CLNK: variants seen among roughly 807,000 people sequenced by gnomAD.
The protein encoded by CLNK is cytokine dependent hematopoietic cell linker.
CLNK carries 74 observed loss-of-function variants against 68.6 expected under a neutral mutation model. The ratio of observed to expected loss-of-function variants is 1.08; its 90% CI spans 0.89 to 1.31. The LOEUF (loss-of-function observed/expected upper bound fraction) is 1.31. CLNK is among the 50% of genes most tolerant of loss of function. The pLI is 0.00. For synonymous variants in CLNK, 198 were observed against 172.2 expected (o/e 1.15, Z -1.17); for missense variants, 553 against 515.3 (o/e 1.07, Z -0.71).
chr4:10,699,492 CTCTA>C, the CLNK span, among the ~76,000 whole-genome samples: 30 of 59,552 alleles, frequency 5.0e-4, no homozygotes, highest in Admixed American at 9.9e-4. Context: ...CTCTCTCTCT[CTCTA>C]TATATATATA....
the CLNK span, among the ~76,000 whole-genome samples, chr4:10,699,263 A>G: frequency 0.041 from 590 of 14,282 alleles, 26 homozygotes; most frequent in East Asian, 0.14. Flanking sequence ...GTATGTGTGT[A>G]TACACACACA....
intron 2 of CLNK, among the ~76,000 whole-genome samples, chr4:10,655,818 T>G (rs1723955403): frequency 6.6e-6 from 1 of 151,782 alleles, no homozygotes; most frequent in Non-Finnish European, 1.5e-5. Context: ...CCCAGCTAGT[T>G]TTTTGTATTT....
chr4:10,659,201 C>A (rs943733685), intron 2 of CLNK, among the ~76,000 whole-genome samples: 4 of 152,106 alleles, frequency 2.6e-5, no homozygotes, highest in Non-Finnish European at 2.9e-5. Context: ...AACTCTGTCT[C>A]AAAGAAAACA....
chr4:10,612,156 C>T (rs756014837), intron 2 of CLNK, among the ~76,000 whole-genome samples: 10 of 152,220 alleles, frequency 6.6e-5, no homozygotes, highest in Non-Finnish European at 1.2e-4. Flanking sequence ...GCTGAAGAAA[C>T]CTACCCACAT....
At chr4:10,550,372 G>A (rs973951746) in intron 8 of CLNK, among the ~76,000 whole-genome samples, 4 of 152,156 alleles carry the variant, frequency 2.6e-5, no homozygotes, top group African/African-American at 9.7e-5. Context: ...GCGGGCGCCT[G>A]TAGTCCCAGC....
At chr4:10,639,093 A>G (rs186198229) in intron 2 of CLNK, among the ~76,000 whole-genome samples, 14 of 152,326 alleles carry the variant, frequency 9.2e-5, no homozygotes, top group Non-Finnish European at 2.1e-4. Flanking sequence ...TAAGACCCCA[A>G]ATCATTGTAC....
intron 2 of CLNK, among the ~76,000 whole-genome samples, chr4:10,637,514 C>T (rs1408641226): frequency 8.4e-6 from 1 of 118,688 alleles, no homozygotes; most frequent in Non-Finnish European, 1.6e-5. Context: ...TGGAGCAAAA[C>T]ATTAGAATCA....
the CLNK span, chr4:10,697,535 A>G: frequency 2.6e-5 from 4 of 152,160 alleles, no homozygotes; most frequent in Admixed American, 6.6e-5. Context: ...ATGGCGATGG[A>G]TGACAGTGTG....
At chr4:10,578,779 C>T (rs545307613) in intron 4 of CLNK, among the ~76,000 whole-genome samples, 10 of 151,938 alleles carry the variant, frequency 6.6e-5, no homozygotes, top group South Asian at 6.3e-4. Flanking sequence ...ACCATGTTGG[C>T]CAGGCTGGTC....
At chr4:10,660,295 C>T (rs1460100602) in intron 2 of CLNK, among the ~76,000 whole-genome samples, 1 of 152,046 alleles carries the variant, frequency 6.6e-6, no homozygotes, top group Non-Finnish European at 1.5e-5. Flanking sequence ...ATATGGGATG[C>T]CTAAGGGATT....
intron 2 of CLNK, among the ~76,000 whole-genome samples, chr4:10,613,711 A>G (rs528106742): frequency 2.4e-4 from 37 of 152,290 alleles, no homozygotes; most frequent in African/African-American, 8.4e-4. Flanking sequence ...CAGGAGATGG[A>G]ACAGGGTGGG....
At chr4:10,731,678 G>A in the CLNK span, among the ~76,000 whole-genome samples, 50 of 152,202 alleles carry the variant, frequency 3.3e-4, no homozygotes, top group East Asian at 8.9e-3. Flanking sequence ...TATGAGTGTG[G>A]CATCCTTTTT....
At chr4:10,539,519 T>G (rs912344724) in intron 11 of CLNK, among the ~76,000 whole-genome samples, 1 of 152,218 alleles carries the variant, frequency 6.6e-6, no homozygotes, top group African/African-American at 2.4e-5. Context: ...CATCCTTCAT[T>G]CTATGCAGAA....
chr4:10,711,159 C>A, the CLNK span, among the ~76,000 whole-genome samples: 3 of 152,190 alleles, frequency 2.0e-5, no homozygotes, highest in East Asian at 5.8e-4. Context: ...TAAAGTTATG[C>A]GCTGGTGGCC....
At chr4:10,723,615 C>T in the CLNK span, among the ~76,000 whole-genome samples, 1,110 of 152,142 alleles carry the variant, frequency 7.3e-3, 16 homozygotes, top group African/African-American at 0.025. Flanking sequence ...ATCATTTTTG[C>T]GTTTCTATCC....
intron 2 of CLNK, among the ~76,000 whole-genome samples, chr4:10,660,106 C>T (rs1724134769): frequency 6.6e-6 from 1 of 152,222 alleles, no homozygotes; most frequent in African/African-American, 2.4e-5. Flanking sequence ...TATAAACTAT[C>T]ATCATGGATC....
rs759661173 is a variant in CLNK at position 10,495,790 on chromosome 4, T to TAG, written c.1141-5179_1141-5178dup. 2.1e-3 allele frequency among the ~76,000 whole-genome samples: 311 copies of TAG among 150,398 alleles called. 2 individuals are homozygous for TAG. The highest frequency in any genetic ancestry group is 6.0e-3 in the African/African-American group (244 of 40,774). On this transcript the variant is annotated intron_variant, in intron 18 of 18. Transcript: ENST00000226951. ...AGAAGAGGAGAAGGTCACGTGACCA[T>TAG]AGAGAGAGCGATGAGGAGAAGGTCA...
intron 1 of CLNK, among the ~76,000 whole-genome samples, chr4:10,676,046 AGTGTGTGTGT>A (rs34091285): frequency 7.4e-5 from 11 of 148,816 alleles, no homozygotes; most frequent in South Asian, 4.3e-4. Flanking sequence ...GAGCCAGAAG[AGTGTGTGTGT>A]GTGTGTGTGT....
intron 2 of CLNK, 118 bp downstream of exon 2, chr4:10,667,741 A>ACTGGGGCTCAGAGTG (rs376510113): frequency 2.7e-6 from 1 of 368,722 alleles, no homozygotes. Flanking sequence ...CCTCTCAGGA[A>ACTGGGGCTCAGAGTG]ATCCCTTTTC....
Sources: allele counts gnomAD v4.1 joint callset (sites outside exome capture counted in the v4.1 genomes callset), GRCh38; gene constraint gnomAD v4.1.1; transcripts MANE v1.5; gene names NCBI Gene and HGNC (gene_info 2026-07-23, HGNC 2026-07-21).